The following LINGO1 variants were observed in gnomAD, a reference collection of about 807,000 sequenced individuals.
LINGO1 encodes the protein leucine rich repeat and Ig domain containing 1.
LINGO1 carries 11 observed loss-of-function variants against 37.3 expected under a neutral mutation model. The ratio of observed to expected loss-of-function variants is 0.29; its 90% CI spans 0.19 to 0.49. The LOEUF is 0.49. LINGO1 is among the 20% of genes least tolerant of loss of function. The pLI, the probability that LINGO1 is intolerant of heterozygous loss-of-function variation, is 0.99. For synonymous variants in LINGO1, 387 were observed against 403.0 expected (o/e 0.96, Z 0.48); for missense variants, 585 against 878.2 (o/e 0.67, Z 4.22).
chr15:77,721,075 C>G (rs890402166), intron 2 of LINGO1, among the ~76,000 whole-genome samples: 1 of 152,106 alleles, frequency 6.6e-6, no homozygotes, highest in African/African-American at 2.4e-5. Context: ...ACATTCACCC[C>G]TACCCACTCC....
intron 3 of LINGO1, among the ~76,000 whole-genome samples, chr15:77,641,002 A>T (rs757836277): frequency 1.3e-5 from 2 of 152,204 alleles, no homozygotes; most frequent in African/African-American, 4.8e-5. Flanking sequence ...CAGGTCAGAC[A>T]TCCAGAAGGA....
At chr15:77,732,322 G>T (rs186170999) in intron 2 of LINGO1, among the ~76,000 whole-genome samples, 3 of 152,340 alleles carry the variant, frequency 2.0e-5, no homozygotes, top group Non-Finnish European at 4.4e-5. Context: ...GTTTGCAGCA[G>T]ACACATTCTG....
At chr15:77,778,660 C>T (rs1167873397) in intron 1 of LINGO1, among the ~76,000 whole-genome samples, 2 of 152,220 alleles carry the variant, frequency 1.3e-5, no homozygotes, top group Non-Finnish European at 2.9e-5. Context: ...CTTTCAAAAT[C>T]TATCCAGAAT....
At chr15:77,631,324 C>T (rs1009362476) in intron 1 of LINGO1, among the ~76,000 whole-genome samples, 2 of 152,232 alleles carry the variant, frequency 1.3e-5, no homozygotes, top group African/African-American at 4.8e-5. Flanking sequence ...CTCCCACCCG[C>T]TCAGGGCAGA....
chr15:77,704,370 G>A (rs987505833), intron 2 of LINGO1, among the ~76,000 whole-genome samples: 1 of 152,178 alleles, frequency 6.6e-6, no homozygotes, highest in Non-Finnish European at 1.5e-5. Context: ...CCCGACGCTG[G>A]TCACATACTG....
At chr15:77,759,756 T>C (rs1163316018) in intron 1 of LINGO1, among the ~76,000 whole-genome samples, 1 of 152,230 alleles carries the variant, frequency 6.6e-6, no homozygotes, top group African/African-American at 2.4e-5. Context: ...TACCTCTCTG[T>C]AAATCTTGCT....
chr15:77,695,882 CTT>C (rs35851585), intron 1 of LINGO1: 18,541 of 138,318 alleles, frequency 0.13, 1,319 homozygotes, highest in East Asian at 0.26. Context: ...AGAAAAATAT[CTT>C]TTTTTTTTTT....
In LINGO1 at chr15:77,615,357, G is replaced by T; in HGVS notation, c.550C>A (p.His184Asn). Residue 184 changes from histidine (H) to asparagine (N), a missense_variant, in exon 2 of 2, where the codon CAC (histidine) becomes AAC (asparagine). His to Asn is a moderately conservative substitution (Grantham distance 68). Around this residue, in one of 4 missense-constraint regions of LINGO1, gnomAD observed 484 missense variants for 735.0 expected, o/e 0.66. Transcript: ENST00000355300. Reference sequence around the variant, plus strand: ...CTGTTGAGGCCGCTGAAGGCGCGGTGAGAGATGTAGACGAGGTCATTGTCG... The same window carrying T: ...CTGTTGAGGCCGCTGAAGGCGCGGTTAGAGATGTAGACGAGGTCATTGTCG... The part of the protein sequence containing the change: ...VGDNDLVYIS[H>N]RAFSGLNSLE... 6.2e-7 allele frequency: 1 copy of T among 1,614,008 alleles called. No individual in the cohort carries two copies. The highest frequency in any genetic ancestry group is 8.5e-7 in the Non-Finnish European group (1 of 1,179,902).
chr15:77,730,571 C>T (rs2076144850), intron 2 of LINGO1, among the ~76,000 whole-genome samples: 1 of 152,222 alleles, frequency 6.6e-6, no homozygotes, highest in African/African-American at 2.4e-5. Context: ...CCTCTATATC[C>T]AGACTGGTCC....
chr15:77,694,263 C>A (rs2075653117), intron 1 of LINGO1, among the ~76,000 whole-genome samples: 1 of 152,118 alleles, frequency 6.6e-6, no homozygotes, highest in Non-Finnish European at 1.5e-5. Flanking sequence ...AGAACGCTCC[C>A]ACCGATTCTC....
intron 1 of LINGO1, among the ~76,000 whole-genome samples, chr15:77,616,954 C>G (rs1008246369): frequency 6.6e-6 from 1 of 152,206 alleles, no homozygotes; most frequent in South Asian, 2.1e-4. Context: ...CCACCTTCTT[C>G]CTAGTACCAG....
rs182635029 is a variant in LINGO1 at position 77,709,176 on chromosome 15, C to T, written c.-194-18275G>A. 4.6e-5 allele frequency among the ~76,000 whole-genome samples: 7 copies of T among 152,260 alleles called. 1 individual carries two copies. The South Asian group carries it at 6.2e-4, about 14-fold the overall frequency. ...CCACCAGGTTTATAGTAATTTGTTA[C>T]GGGAGCTCTAAAAAACTAATACAAT... On this transcript the variant is annotated intron_variant, in intron 2 of 3. Coordinates refer to the LINGO1 transcript ENST00000561686.
At chr15:77,683,688 G>A (rs935385662) in intron 2 of LINGO1, among the ~76,000 whole-genome samples, 1 of 152,162 alleles carries the variant, frequency 6.6e-6, no homozygotes, top group Non-Finnish European at 1.5e-5. Context: ...CACAGAAAAT[G>A]TTCTGAAAGG....
rs190311840 is a variant in LINGO1 at position 77,664,325 on chromosome 15, A to G, written c.-13+12764T>C. ...GAAATACGCTCTTGACAACAAGGTG[A>G]AAGTCCCTGGATGCTGGGGCCTGGC... On this transcript the variant is annotated intron_variant, in intron 3 of 3. Transcript: ENST00000559893. 1.4e-4 allele frequency among the ~76,000 whole-genome samples: 21 copies of G among 152,176 alleles called. No individual in the cohort carries two copies. In the East Asian group the frequency reaches 4.1e-3, roughly 30 times the overall value.
intron 1 of LINGO1, among the ~76,000 whole-genome samples, chr15:77,773,078 G>A (rs1035182151): frequency 1.3e-5 from 2 of 152,184 alleles, no homozygotes; most frequent in Non-Finnish European, 2.9e-5. Context: ...ATAGGCTCAT[G>A]GAGGGAGGAG....
chr15:77,635,141 A>G (rs2074371487), upstream of LINGO1, among the ~76,000 whole-genome samples: 1 of 152,160 alleles, frequency 6.6e-6, no homozygotes. Flanking sequence ...CCTCGGAGGC[A>G]GCAGGGATGA....
chr15:77,705,355 G>A (rs374270590), intron 2 of LINGO1, among the ~76,000 whole-genome samples: 1 of 152,184 alleles, frequency 6.6e-6, no homozygotes, highest in Non-Finnish European at 1.5e-5. Context: ...ATGCCGGAAG[G>A]AAAGGGTGCT....
Position 77,684,172 on chromosome 15 carries a change from T to C in LINGO1, c.-99+6548A>G, listed in dbSNP as rs564618265. Among the ~76,000 whole-genome samples, 410 of 152,278 alleles carry C rather than the reference T, an allele frequency of 2.7e-3. 3 individuals are homozygous for C. The highest frequency in any genetic ancestry group is 9.5e-3 in the African/African-American group (393 of 41,564). ...CCCACACTCTGCCTTGGTGGGCCCATTGCTTCTGTAACATGTAACAGTGGT... is the reference window on the plus strand; with the variant it reads ...CCCACACTCTGCCTTGGTGGGCCCACTGCTTCTGTAACATGTAACAGTGGT... On this transcript the variant is annotated intron_variant, in intron 2 of 3. Transcript: ENST00000559893.
chr15:77,691,477 A>ATCCCTAGGGAAGGGATG (rs2075601882), intron 1 of LINGO1, among the ~76,000 whole-genome samples: 1 of 151,204 alleles, frequency 6.6e-6, no homozygotes, highest in African/African-American at 2.4e-5. Context: ...CCATGCTGCC[A>ATCCCTAGGGAAGGGATG]TCCCTAGGGA....
Sources: allele counts gnomAD v4.1 joint callset (sites outside exome capture counted in the v4.1 genomes callset), GRCh38; gene constraint gnomAD v4.1.1; regional missense constraint gnomAD v4.1.1; transcripts MANE v1.5; gene names NCBI Gene and HGNC (gene_info 2026-07-23, HGNC 2026-07-21).